MAGI3: variants seen among roughly 807,000 people sequenced by gnomAD.
MAGI3 encodes membrane-associated guanylate kinase, WW and PDZ domain-containing protein 3.
Under a neutral mutation model 121.8 loss-of-function variants are expected in MAGI3, and 43 were observed. That is an observed-to-expected ratio of 0.35 (90% CI 0.28 to 0.46). The LOEUF (loss-of-function observed/expected upper bound fraction) is 0.46, where lower values mean the gene tolerates loss of function less well. Among genes scored for constraint, MAGI3 ranks in the 20% least tolerant of loss-of-function variants. The pLI, the probability that MAGI3 is intolerant of heterozygous loss-of-function variation, is 1.00. For synonymous variants in MAGI3, 553 were observed against 639.3 expected, an observed-to-expected ratio of 0.86 and a Z score of 2.04; for missense variants, 1,547 against 1,797.3, an observed-to-expected ratio of 0.86 and a Z score of 2.52.
At chr1:113,511,054 G>C (rs1247170052) in intron 1 of MAGI3, among the ~76,000 whole-genome samples, 1 of 152,166 alleles carries the variant, frequency 6.6e-6, no homozygotes, top group Non-Finnish European at 1.5e-5. Context: ...CCCTTATCCT[G>C]TGCCCATTGT....
chr1:113,631,461 C>T (rs1475044572), intron 9 of MAGI3, among the ~76,000 whole-genome samples: 2 of 151,900 alleles, frequency 1.3e-5, no homozygotes, highest in Non-Finnish European at 2.9e-5. Flanking sequence ...TGATGGTGGG[C>T]CATTTTACAA....
intron 2 of MAGI3, among the ~76,000 whole-genome samples, chr1:113,551,766 G>A (rs2101673429): frequency 6.6e-6 from 1 of 151,882 alleles, no homozygotes; most frequent in African/African-American, 2.4e-5. Context: ...TAAGCCTTTT[G>A]TATGAAAAGC....
chr1:113,427,466 T>G (rs1281628782), intron 1 of MAGI3, among the ~76,000 whole-genome samples: 1 of 152,224 alleles, frequency 6.6e-6, no homozygotes, highest in Non-Finnish European at 1.5e-5. Context: ...TTACCTGGTG[T>G]TGTTGAAAGT....
chr1:113,534,551 AT>A (rs747307111), intron 1 of MAGI3, among the ~76,000 whole-genome samples: 1 of 151,598 alleles, frequency 6.6e-6, no homozygotes, highest in Non-Finnish European at 1.5e-5. Context: ...AGTCACAATT[AT>A]TTTCTCTTGG....
At chr1:113,544,184 G>A (rs945912916) in intron 1 of MAGI3, among the ~76,000 whole-genome samples, 7 of 152,152 alleles carry the variant, frequency 4.6e-5, no homozygotes, top group Non-Finnish European at 8.8e-5. Context: ...AGCCAGTCTG[G>A]CATTAGGCTA....
intron 1 of MAGI3, among the ~76,000 whole-genome samples, chr1:113,440,653 A>C (rs776057655): frequency 2.0e-5 from 3 of 152,194 alleles, no homozygotes; most frequent in Non-Finnish European, 4.4e-5. Context: ...ATCAACAATT[A>C]TTCTTCTACT....
chr1:113,521,680 A>G (rs1448358977), intron 1 of MAGI3, among the ~76,000 whole-genome samples: 1 of 152,160 alleles, frequency 6.6e-6, no homozygotes, highest in Non-Finnish European at 1.5e-5. Flanking sequence ...TGCTGGGATT[A>G]TAGGTGTGAG....
At chr1:113,604,174 C>G (rs1452090801) in intron 6 of MAGI3, among the ~76,000 whole-genome samples, 1 of 152,148 alleles carries the variant, frequency 6.6e-6, no homozygotes, top group Non-Finnish European at 1.5e-5. Flanking sequence ...CAAAAAGACA[C>G]CTGCTTATGT....
chr1:113,401,778 A>G lies in MAGI3; in HGVS notation c.316+10429A>G, dbSNP rs1291241911. Among the ~76,000 whole-genome samples the G allele has an allele frequency of 3.3e-5, 5 of 152,320 alleles. No homozygotes were observed. The South Asian group carries it at 6.2e-4, about 19-fold the overall frequency. On this transcript the variant is annotated intron_variant, in intron 1 of 20. Coordinates refer to ENST00000307546, the MANE Select transcript of MAGI3 (RefSeq NM_001142782.2). ...ATGCAGACCCTTCTCACAAAAGTAC[A>G]CTTTGCTTGAATAAAATTTAGCTAA...
chr1:113,448,723 C>T (rs374382079), intron 1 of MAGI3, among the ~76,000 whole-genome samples: 1 of 152,222 alleles, frequency 6.6e-6, no homozygotes, highest in African/African-American at 2.4e-5. Flanking sequence ...AAGCTATCCT[C>T]CCACCTCACC....
chr1:113,684,240 T>C lies in MAGI3; in HGVS notation c.*226T>C, dbSNP rs1648411867. 2.3e-6 allele frequency: 1 copy of C among 425,956 alleles called. No individual in the cohort carries two copies. Among genetic ancestry groups the C allele is most frequent in the Admixed American group, 4.2e-5 (1 of 23,680 alleles). The allele number at this position is 425,956 out of a possible 1,614,324, so 26.4% of individuals were successfully genotyped here. ...CTCTCAGGAAGGAGCTGCATCCACATGCTCATCTGACCCGCCCTGCTCAGG... is the reference window on the plus strand; with the variant it reads ...CTCTCAGGAAGGAGCTGCATCCACACGCTCATCTGACCCGCCCTGCTCAGG... On this transcript the variant is annotated 3_prime_UTR_variant, in exon 21 of 21. Coordinates refer to ENST00000307546, the MANE Select transcript of MAGI3 (RefSeq NM_001142782.2).
intron 2 of MAGI3, among the ~76,000 whole-genome samples, chr1:113,550,114 T>TAAA (rs746718813): frequency 1.4e-5 from 1 of 70,296 alleles, no homozygotes; most frequent in Non-Finnish European, 2.9e-5. Context: ...ATACTCTGTC[T>TAAA]AAAAAAAAAA....
intron 1 of MAGI3, among the ~76,000 whole-genome samples, chr1:113,496,455 C>T (rs1656922487): frequency 6.6e-6 from 1 of 152,090 alleles, no homozygotes. Flanking sequence ...TAAATGTGAC[C>T]GTCAGCACTA....
intron 6 of MAGI3, among the ~76,000 whole-genome samples, chr1:113,609,129 C>A (rs924097744): frequency 6.6e-6 from 1 of 152,132 alleles, no homozygotes; most frequent in Admixed American, 6.6e-5. Flanking sequence ...GCTCAGCCAG[C>A]CTTTTCCACT....
intron 1 of MAGI3, among the ~76,000 whole-genome samples, chr1:113,437,797 CT>C (rs1309491823): frequency 2.0e-4 from 29 of 145,338 alleles, no homozygotes; most frequent in Non-Finnish European, 3.0e-5. Flanking sequence ...CTTCCTTCTT[CT>C]TTCTTCTTTT....
intron 1 of MAGI3, among the ~76,000 whole-genome samples, chr1:113,506,574 T>G (rs1657338023): frequency 6.6e-6 from 1 of 152,238 alleles, no homozygotes; most frequent in African/African-American, 2.4e-5. Flanking sequence ...AGTATTGGTT[T>G]AAGTGCTTTT....
At chr1:113,677,144 G>GA (rs1329863541) in intron 19 of MAGI3, among the ~76,000 whole-genome samples, 2 of 152,106 alleles carry the variant, frequency 1.3e-5, no homozygotes, top group East Asian at 3.9e-4. Context: ...AGAGGAGAGA[G>GA]AAAAAAAGTG....
intron 1 of MAGI3, among the ~76,000 whole-genome samples, chr1:113,474,863 A>G (rs1655731643): frequency 6.6e-6 from 1 of 152,196 alleles, no homozygotes; most frequent in Admixed American, 6.5e-5. Context: ...GATTCTTCCT[A>G]TCTATGAGCA....
intron 12 of MAGI3, among the ~76,000 whole-genome samples, chr1:113,647,234 A>G (rs901512717): frequency 1.3e-5 from 2 of 152,206 alleles, no homozygotes; most frequent in African/African-American, 2.4e-5. Context: ...GCTGGGTGCA[A>G]TTGGCAAGGA....
Sources: gnomAD v4.1 joint callset for allele counts (sites outside exome capture counted in the v4.1 genomes callset) on GRCh38, gnomAD v4.1.1 for gene constraint, MANE v1.5 for transcripts, NCBI Gene and HGNC (gene_info 2026-07-23, HGNC 2026-07-21) for gene names.